AFG1L: variants seen among roughly 807,000 people sequenced by gnomAD.
The protein encoded by AFG1L is AFG1-like ATPase.
In AFG1L, 53 loss-of-function variants were observed where a neutral mutation model predicts 62.2. That is an observed-to-expected ratio of 0.85 (90% CI 0.68 to 1.07). The LOEUF is 1.07. AFG1L is among the 50% of genes least tolerant of loss of function. The pLI, the probability that AFG1L is intolerant of heterozygous loss-of-function variation, is 0.00. For missense variants in AFG1L, 555 were observed against 590.5 expected, an observed-to-expected ratio of 0.94 and a Z score of 0.62; for synonymous variants, 228 against 210.3, an observed-to-expected ratio of 1.08 and a Z score of -0.73.
chr6:108,428,919 G>C (rs1770943039), intron 7 of AFG1L, among the ~76,000 whole-genome samples: 1 of 152,050 alleles, frequency 6.6e-6, no homozygotes, highest in Non-Finnish European at 1.5e-5. Flanking sequence ...CTGTTTAGAA[G>C]CTTTTTAGTT....
Position 108,366,305 on chromosome 6 carries a change from G to C in AFG1L, c.721G>C (p.Val241Leu). ...ENLFKNGVVV[V>L]ATSNRPPEDL... Reference sequence around the variant, plus strand: ...TCTGTTCAAAAACGGGGTCGTCGTTGTGGCAACATCCAACAGGCCACCGGA... The same window carrying C: ...TCTGTTCAAAAACGGGGTCGTCGTTCTGGCAACATCCAACAGGCCACCGGA... Residue 241 changes from valine to leucine, a missense_variant, in exon 6 of 13, where the codon GTG becomes CTG. Transcript: ENST00000368977. 5 of 1,612,018 alleles carry C rather than the reference G, an allele frequency of 3.1e-6. No individual in the cohort carries two copies. The highest frequency in any genetic ancestry group is 4.2e-6 in the Non-Finnish European group (5 of 1,178,594).
intron 6 of AFG1L, among the ~76,000 whole-genome samples, chr6:108,397,516 C>G (rs1781374617): frequency 6.6e-6 from 1 of 152,208 alleles, no homozygotes; most frequent in South Asian, 2.1e-4. Flanking sequence ...CTCGGCCTCC[C>G]AAAGTGCTGG....
chr6:108,304,134 G>A (rs1203382662), intron 1 of AFG1L, among the ~76,000 whole-genome samples: 1 of 152,076 alleles, frequency 6.6e-6, no homozygotes. Context: ...TAAATCAAAA[G>A]CACCCTTTTA....
At chr6:108,388,283 C>T (rs1780863688) in intron 6 of AFG1L, among the ~76,000 whole-genome samples, 1 of 152,064 alleles carries the variant, frequency 6.6e-6, no homozygotes, top group Non-Finnish European at 1.5e-5. Flanking sequence ...CTTTATTAGT[C>T]TTGCTAGCGC....
rs528618130 is a variant in AFG1L at position 108,416,866 on chromosome 6, A to T, written c.807+14812A>T. On this transcript the variant is annotated intron_variant, in intron 7 of 12. Transcript: ENST00000368977. ...TGCAGCACACCAACTTGGCACATGT[A>T]TAGATAGGTAACAAACCTGCATGTT... Among the ~76,000 whole-genome samples, 5 of 152,134 alleles carry T rather than the reference A, an allele frequency of 3.3e-5. No individual in the cohort carries two copies. The South Asian group carries it at 1.0e-3, about 32-fold the overall frequency.
intron 7 of AFG1L, among the ~76,000 whole-genome samples, chr6:108,402,615 A>G (rs558318859): frequency 6.6e-6 from 1 of 152,296 alleles, no homozygotes; most frequent in African/African-American, 2.4e-5. Context: ...ATTACAAAAT[A>G]TAGTCTAAAT....
At chr6:108,502,778 C>G (rs1285426738) in intron 10 of AFG1L, among the ~76,000 whole-genome samples, 2 of 152,218 alleles carry the variant, frequency 1.3e-5, no homozygotes, top group Admixed American at 6.5e-5. Context: ...TTCTTTCTAG[C>G]AAGTGATGCT....
chr6:108,321,849 A>G (rs894492570), intron 1 of AFG1L, among the ~76,000 whole-genome samples: 2 of 151,990 alleles, frequency 1.3e-5, no homozygotes, highest in African/African-American at 2.4e-5. Context: ...CCAATTATAC[A>G]CTACTTTAAA....
chr6:108,398,895 T>A (rs1781430752), intron 6 of AFG1L, among the ~76,000 whole-genome samples: 1 of 152,206 alleles, frequency 6.6e-6, no homozygotes, highest in South Asian at 2.1e-4. Context: ...TCTGCAGTTT[T>A]GTTATTTTTA....
At chr6:108,380,948 C>T (rs1033125242) in intron 6 of AFG1L, among the ~76,000 whole-genome samples, 3 of 152,204 alleles carry the variant, frequency 2.0e-5, no homozygotes, top group Non-Finnish European at 2.9e-5. Context: ...CATTCTCCTC[C>T]GTGGGTTCTG....
intron 1 of AFG1L, among the ~76,000 whole-genome samples, chr6:108,309,394 A>G (rs541424687): frequency 5.3e-5 from 8 of 152,266 alleles, no homozygotes; most frequent in African/African-American, 1.9e-4. Context: ...TAGCTTTATA[A>G]TAAGTTTTAA....
chr6:108,395,036 T>C (rs535104056), intron 6 of AFG1L, among the ~76,000 whole-genome samples: 1 of 152,338 alleles, frequency 6.6e-6, no homozygotes, highest in East Asian at 1.9e-4. Context: ...TCATTTTGAA[T>C]CTTGAAATCT....
At chr6:108,323,502 C>T (rs1245422548) in intron 1 of AFG1L, among the ~76,000 whole-genome samples, 1 of 152,054 alleles carries the variant, frequency 6.6e-6, no homozygotes, top group Admixed American at 6.5e-5. Flanking sequence ...GCTGGGATTA[C>T]AAGCATGCAC....
At chr6:108,455,487 A>G (rs1392569794) in intron 8 of AFG1L, among the ~76,000 whole-genome samples, 1 of 152,028 alleles carries the variant, frequency 6.6e-6, no homozygotes, top group African/African-American at 2.4e-5. Flanking sequence ...TCTGTTTTCT[A>G]TATCCTTAAT....
At chr6:108,504,611 G>A in intron 10 of AFG1L, among the ~76,000 whole-genome samples, 1 of 152,212 alleles carries the variant, frequency 6.6e-6, no homozygotes, top group Non-Finnish European at 1.5e-5. Context: ...GAGACATGAA[G>A]TGAGCACATG....
intron 10 of AFG1L, among the ~76,000 whole-genome samples, chr6:108,506,265 G>T (rs1164504527): frequency 6.6e-6 from 1 of 152,136 alleles, no homozygotes; most frequent in African/African-American, 2.4e-5. Context: ...CGAGTGCAAT[G>T]GTGGTGATCT....
At chr6:108,316,297 C>T (rs1777592375) in intron 1 of AFG1L, among the ~76,000 whole-genome samples, 1 of 124,924 alleles carries the variant, frequency 8.0e-6, no homozygotes, top group East Asian at 2.8e-4. Context: ...AGGAGAATGG[C>T]GTGAACCCGG....
intron 7 of AFG1L, among the ~76,000 whole-genome samples, chr6:108,434,573 C>T (rs559992971): frequency 6.6e-6 from 1 of 152,240 alleles, no homozygotes; most frequent in East Asian, 1.9e-4. Flanking sequence ...TTTCTGACAC[C>T]TGCTAACTCA....
intron 7 of AFG1L, among the ~76,000 whole-genome samples, chr6:108,414,015 A>T (rs1422214938): frequency 6.6e-6 from 1 of 152,208 alleles, no homozygotes; most frequent in East Asian, 1.9e-4. Flanking sequence ...CAAAATTGAT[A>T]GACCACTAGC....
Sources: allele counts gnomAD v4.1 joint callset (sites outside exome capture counted in the v4.1 genomes callset), GRCh38; gene constraint gnomAD v4.1.1; transcripts MANE v1.5; gene names NCBI Gene and HGNC (gene_info 2026-07-23, HGNC 2026-07-21).